PPFIA2: variants seen among roughly 807,000 people sequenced by gnomAD.
The protein encoded by PPFIA2 is liprin-alpha-2.
In PPFIA2, 46 loss-of-function variants were observed where a neutral mutation model predicts 175.5. That is an observed-to-expected ratio of 0.26 (90% CI 0.21 to 0.34). The LOEUF (loss-of-function observed/expected upper bound fraction) is 0.34, where lower values mean the gene tolerates loss of function less well. Ranked by LOEUF, PPFIA2 falls within the 10% of genes least tolerant of loss-of-function variation. The probability of loss-of-function intolerance (pLI) is 1.00; values close to 1 mark genes in which losing one functional copy is unlikely to be tolerated. For missense variants in PPFIA2, 1,179 were observed against 1,506.1 expected (o/e 0.78, Z 3.60); for synonymous variants, 568 against 511.4 (o/e 1.11, Z -1.49).
At chr12:81,749,363 T>A (rs1020951691) in intron 3 of PPFIA2, among the ~76,000 whole-genome samples, 1 of 143,716 alleles carries the variant, frequency 7.0e-6, no homozygotes, top group Non-Finnish European at 1.6e-5. Context: ...AGAGCCAAAC[T>A]TTTTTCCCCA....
At chr12:81,646,412 TGGA>T (rs1462408578) in intron 4 of PPFIA2, among the ~76,000 whole-genome samples, 7 of 152,116 alleles carry the variant, frequency 4.6e-5, no homozygotes, top group Admixed American at 3.9e-4. Flanking sequence ...AGACTGGGGC[TGGA>T]GGAGAACTAT....
At position 81,368,814 on chromosome 12, in the gene PPFIA2, A is replaced by G. The variant is rs367619411; in HGVS notation, c.1393T>C (p.Leu465=). 6.4e-5 allele frequency: 103 copies of G among 1,610,788 alleles called. No individual in the cohort carries two copies. The highest frequency in any genetic ancestry group is 2.0e-4 in the Admixed American group (12 of 59,800). The change falls in exon 13 of 33, where the codon TTA becomes CTA. Residue 465 remains leucine, a synonymous_variant. Coordinates refer to ENST00000549396, the MANE Select transcript of PPFIA2 (RefSeq NM_003625.5). Reference sequence around the variant, plus strand: ...AGAAGTCTATCAACCGTATCCGATAATCTCTTGTTATGCTCCTCATTCATT... The same window carrying G: ...AGAAGTCTATCAACCGTATCCGATAGTCTCTTGTTATGCTCCTCATTCATT... ...EKMNEEHNKR[L]SDTVDRLLTE...
In PPFIA2 at chr12:81,415,131, G is replaced by GGTAAGAAT. The variant is rs568919243; in HGVS notation, c.646-9236_646-9229dup. ...CCAGTGAATAATCAAATTGCTTTGAGGTAAGAATGAGAGGTTTGCATTGTG... is the reference window on the plus strand; with the variant it reads ...CCAGTGAATAATCAAATTGCTTTGAGGTAAGAATGTAAGAATGAGAGGTTTGCATTGTG... On this transcript the variant is annotated intron_variant, in intron 7 of 32. Transcript: ENST00000549396. Among the ~76,000 whole-genome samples the GGTAAGAAT allele has an allele frequency of 4.7e-3, 569 of 120,236 alleles. 8 individuals are homozygous for GGTAAGAAT. Among genetic ancestry groups the GGTAAGAAT allele is most frequent in the African/African-American group, 0.017 (525 of 31,644 alleles). The allele number at this position is 120,236 out of a possible 152,430, so 78.9% of individuals were successfully genotyped here. A position where few individuals can be genotyped will look rare whatever the true frequency, so the allele number is the denominator to read the frequency against.
In PPFIA2 at chr12:81,383,681, C is replaced by T. The variant is rs1251714052; in HGVS notation, c.984+342G>A. 7.8e-4 allele frequency among the ~76,000 whole-genome samples: 118 copies of T among 152,018 alleles called. 1 individual carries two copies. The highest frequency in any genetic ancestry group is 7.7e-3 in the Admixed American group (117 of 15,234). On this transcript the variant is annotated intron_variant, in intron 9 of 32. Transcript: ENST00000549396. ...AATTTAAGGCATTTTTGTAGTATTC[C>T]TATATGCTAAGAGTATAGCAATTCA...
chr12:81,381,228 C>T (rs182370824), intron 9 of PPFIA2, among the ~76,000 whole-genome samples: 3 of 152,060 alleles, frequency 2.0e-5, no homozygotes, highest in East Asian at 1.9e-4. Context: ...TACATAGAAA[C>T]GATGGGGCTG....
chr12:81,348,519 T>C (rs1049740283), intron 17 of PPFIA2, among the ~76,000 whole-genome samples: 3 of 151,946 alleles, frequency 2.0e-5, no homozygotes, highest in African/African-American at 7.2e-5. Context: ...GGGTGGATCA[T>C]GAGGTCAGGA....
At chr12:81,660,748 G>A (rs1209270989) in intron 4 of PPFIA2, among the ~76,000 whole-genome samples, 10 of 152,184 alleles carry the variant, frequency 6.6e-5, no homozygotes, top group Admixed American at 6.5e-4. Context: ...ATAATCGTCA[G>A]ATTCACCAAA....
At chr12:81,534,237 A>G (rs1295471901) in intron 4 of PPFIA2, among the ~76,000 whole-genome samples, 1 of 151,714 alleles carries the variant, frequency 6.6e-6, no homozygotes. Context: ...AGATAGAAGG[A>G]ATAAGTTCTA....
In PPFIA2 at chr12:81,436,466, T is replaced by A. The variant is rs560779288; in HGVS notation, c.645+3506A>T. ...TTTTCATGAAAATTTGCTCTTTTTT[T>A]AAAAACTATCTTCTTCAGTTATTGC... On this transcript the variant is annotated intron_variant, in intron 7 of 32. Coordinates refer to ENST00000549396, the MANE Select transcript of PPFIA2 (RefSeq NM_003625.5). Among the ~76,000 whole-genome samples the A allele has an allele frequency of 5.3e-5, 8 of 152,116 alleles. No homozygotes were observed. The East Asian group carries it at 9.6e-4, about 18-fold the overall frequency.
intron 15 of PPFIA2, among the ~76,000 whole-genome samples, chr12:81,360,609 T>C (rs775415343): frequency 1.3e-5 from 2 of 151,708 alleles, no homozygotes; most frequent in African/African-American, 2.4e-5. Context: ...TCACTCACCT[T>C]AGCTTATCTC....
chr12:81,276,282 G>A (rs2040510294), intron 28 of PPFIA2, among the ~76,000 whole-genome samples: 1 of 152,136 alleles, frequency 6.6e-6, no homozygotes, highest in Admixed American at 6.5e-5. Flanking sequence ...GGGAGGCTGG[G>A]AGGGTGGCGA....
rs12311020 is a variant in PPFIA2 at position 81,304,765 on chromosome 12, G to A, written c.2643-5383C>T. 3.9e-3 allele frequency among the ~76,000 whole-genome samples: 592 copies of A among 152,154 alleles called. 3 individuals are homozygous for A. Among genetic ancestry groups the A allele is most frequent in the African/African-American group, 0.014 (564 of 41,524 alleles). On this transcript the variant is annotated intron_variant, in intron 22 of 32. Transcript: ENST00000549396. ...GGTGGAGGAAGATGAAATTGGAGAC[G>A]TAGACAAGAGAAAAGCAAGAACATG...
chr12:81,417,515 T>C (rs895539816), intron 7 of PPFIA2, among the ~76,000 whole-genome samples: 15 of 151,644 alleles, frequency 9.9e-5, no homozygotes, highest in African/African-American at 3.4e-4. Context: ...GCAGAAACAA[T>C]ATTCATTAAT....
intron 4 of PPFIA2, among the ~76,000 whole-genome samples, chr12:81,619,847 A>C (rs1417552820): frequency 6.6e-6 from 1 of 152,174 alleles, no homozygotes; most frequent in Non-Finnish European, 1.5e-5. Context: ...GTCACAAACA[A>C]AATAAATCTG....
rs544657255 is a variant in PPFIA2 at position 81,598,189 on chromosome 12, G to C, written c.303+78602C>G. Reference sequence around the variant, plus strand: ...ATACACAGTGATAGCATTTTGAATTGTTCTTCTACATTTGAAATCTTAGCT... The same window carrying C: ...ATACACAGTGATAGCATTTTGAATTCTTCTTCTACATTTGAAATCTTAGCT... On this transcript the variant is annotated intron_variant, in intron 4 of 32. Coordinates refer to ENST00000549396, the MANE Select transcript of PPFIA2 (RefSeq NM_003625.5). 6.4e-5 allele frequency: 87 copies of C among 1,360,952 alleles called. No homozygotes were observed. In the South Asian group the frequency reaches 1.6e-3, roughly 24 times the overall value. 84.3% of individuals were successfully genotyped at this position (1,360,952 alleles called of 1,614,324 possible). A position where few individuals can be genotyped will look rare whatever the true frequency, so the allele number is the denominator to read the frequency against.
intron 16 of PPFIA2, among the ~76,000 whole-genome samples, chr12:81,355,907 C>T (rs1177576673): frequency 6.6e-6 from 1 of 152,192 alleles, no homozygotes; most frequent in African/African-American, 2.4e-5. Context: ...TTCTCCATAG[C>T]AGCAGTAAGG....
chr12:81,312,352 G>T lies in PPFIA2; in HGVS notation c.2643-12970C>A, dbSNP rs556074235. ...TCATGACACACATACTCACTGCGTC[G>T]AAAAGCATAGTCAGGCTGAGGGTAG... On this transcript the variant is annotated intron_variant, in intron 22 of 32. Coordinates refer to ENST00000549396, the MANE Select transcript of PPFIA2 (RefSeq NM_003625.5). 7 of 607,148 alleles carry T rather than the reference G, an allele frequency of 1.2e-5. No homozygotes were observed. In the East Asian group the frequency reaches 1.9e-4, roughly 17 times the overall value. 37.6% of individuals were successfully genotyped at this position (607,148 alleles called of 1,614,324 possible).
intron 4 of PPFIA2, among the ~76,000 whole-genome samples, chr12:81,541,413 A>G (rs554858023): frequency 6.6e-6 from 1 of 152,216 alleles, no homozygotes; most frequent in Non-Finnish European, 1.5e-5. Context: ...TTCCATAAGA[A>G]GGCCTCATGA....
intron 4 of PPFIA2, among the ~76,000 whole-genome samples, chr12:81,500,657 C>G (rs1168892041): frequency 1.3e-5 from 2 of 152,116 alleles, no homozygotes; most frequent in African/African-American, 2.4e-5. Flanking sequence ...TTAATACAAT[C>G]AGATTTTTGT....
Sources: allele counts gnomAD v4.1 joint callset (sites outside exome capture counted in the v4.1 genomes callset), GRCh38; gene constraint gnomAD v4.1.1; transcripts MANE v1.5; gene names NCBI Gene and HGNC (gene_info 2026-07-23, HGNC 2026-07-21).